The following KIFAP3 variants were observed in gnomAD, a reference collection of about 807,000 sequenced individuals.
KIFAP3 encodes the protein kinesin associated protein 3, also known as kinesin-associated protein 3.
A neutral mutation model predicts 106.5 loss-of-function variants in KIFAP3; 68 were observed. The ratio of observed to expected loss-of-function variants is 0.64; its 90% CI spans 0.53 to 0.78. The LOEUF is 0.78. Ranked by LOEUF, KIFAP3 falls within the 30% of genes least tolerant of loss-of-function variation. The probability of loss-of-function intolerance (pLI) is 0.00; values close to 1 mark genes in which losing one functional copy is unlikely to be tolerated. For missense variants in KIFAP3, 780 were observed against 941.8 expected, an observed-to-expected ratio of 0.83 and a Z score of 2.25; for synonymous variants, 320 against 311.5, an observed-to-expected ratio of 1.03 and a Z score of -0.29.
rs2102159003 is a variant in KIFAP3 at position 170,065,556 on chromosome 1, G to A, written c.32+8880C>T. Among the ~76,000 whole-genome samples the A allele has an allele frequency of 2.2e-5, 3 of 139,102 alleles. No individual in the cohort carries two copies. The South Asian group carries it at 6.9e-4, about 32-fold the overall frequency. 91.3% of individuals were successfully genotyped at this position (139,102 alleles called of 152,430 possible). ...GTGAACCCGGGAGGCGGAGCTTGCA[G>A]TGAGCCAAGATCATGCCACTGCCCT... On this transcript the variant is annotated intron_variant, in intron 1 of 19. Transcript: ENST00000361580.
chr1:169,993,104 TC>T (rs1434881351), intron 10 of KIFAP3, among the ~76,000 whole-genome samples: 2 of 143,616 alleles, frequency 1.4e-5, no homozygotes, highest in Non-Finnish European at 3.1e-5. Context: ...TTCTTTTCTG[TC>T]CTTTTTTTTT....
Position 170,008,269 on chromosome 1 carries a change from G to A in KIFAP3, c.1183+8193C>T, listed in dbSNP as rs140182016. 7.7e-3 allele frequency among the ~76,000 whole-genome samples: 1,168 copies of A among 151,616 alleles called. 46 individuals are homozygous for A. The highest frequency in any genetic ancestry group is 0.027 in the African/African-American group (1,119 of 41,178). On this transcript the variant is annotated intron_variant, in intron 10 of 19. Coordinates refer to ENST00000361580, the MANE Select transcript of KIFAP3 (RefSeq NM_014970.4). ...GCAACAAAAGCCAAAATTGACAAAC[G>A]GGATCTAATTAAACTAAAGAGCTTC... is the stretch of plus-strand genomic sequence containing the variant.
rs1665983789 is a variant in KIFAP3, at chr1:169,972,737, A to G, written c.1898-139T>C. 9.9e-6 allele frequency: 5 copies of G among 507,462 alleles called. No homozygotes were observed. In the South Asian group the frequency reaches 1.5e-4, roughly 15 times the overall value. The allele number at this position is 507,462 out of a possible 1,614,324, so 31.4% of individuals were successfully genotyped here. ...ATTTTAAAATAAAATCATTAATACAAGATGACCAAAAACACTTAATGTTTC... is the reference window on the plus strand; with the variant it reads ...ATTTTAAAATAAAATCATTAATACAGGATGACCAAAAACACTTAATGTTTC... On this transcript the variant is annotated intron_variant, in intron 16 of 19. Coordinates refer to ENST00000361580, the MANE Select transcript of KIFAP3 (RefSeq NM_014970.4).
chr1:169,993,906 C>T (rs1667244042), intron 10 of KIFAP3, among the ~76,000 whole-genome samples: 1 of 151,478 alleles, frequency 6.6e-6, no homozygotes, highest in Non-Finnish European at 1.5e-5. Flanking sequence ...GCAAAAAATA[C>T]AGTGATCTTC....
At chr1:169,987,735 G>T (rs189969356) in intron 11 of KIFAP3, among the ~76,000 whole-genome samples, 1 of 152,178 alleles carries the variant, frequency 6.6e-6, no homozygotes, top group African/African-American at 2.4e-5. Context: ...CTTGCACACT[G>T]TTCTAGGATA....
rs1385653931 is a variant in KIFAP3 at position 170,013,224 on chromosome 1, ATTCCC to A, written c.1183+3233_1183+3237del. On this transcript the variant is annotated intron_variant, in intron 10 of 19. Coordinates refer to ENST00000361580, the MANE Select transcript of KIFAP3 (RefSeq NM_014970.4). ...CTGTTGTTTATAAGTCACCCAGTCTATTCCCTTATAGAAACCTGAACGACCTAAGA... is the reference window on the plus strand; with the variant it reads ...CTGTTGTTTATAAGTCACCCAGTCTATTATAGAAACCTGAACGACCTAAGA... 3.3e-5 allele frequency among the ~76,000 whole-genome samples: 5 copies of A among 152,210 alleles called. No individual in the cohort carries two copies. The South Asian group carries it at 1.0e-3, about 32-fold the overall frequency.
intron 3 of KIFAP3, 129 bp from the exon 4 acceptor site, chr1:170,039,417 T>C (rs1669863554): frequency 7.1e-6 from 4 of 560,828 alleles, no homozygotes; most frequent in East Asian, 5.7e-5. Context: ...TATGAAATAA[T>C]CTCTTCTCAA....
intron 19 of KIFAP3, among the ~76,000 whole-genome samples, chr1:169,938,299 A>G (rs1352820791): frequency 1.3e-5 from 2 of 151,976 alleles, no homozygotes; most frequent in African/African-American, 4.8e-5. Flanking sequence ...TAGCTACTTA[A>G]GGTCTGTTTT....
At chr1:170,014,066 G>T (rs970114713) in intron 10 of KIFAP3, among the ~76,000 whole-genome samples, 4 of 151,916 alleles carry the variant, frequency 2.6e-5, no homozygotes, top group African/African-American at 9.7e-5. Context: ...CCTCATACTG[G>T]ACATACTACA....
intron 16 of KIFAP3, among the ~76,000 whole-genome samples, chr1:169,976,990 GC>G (rs201429223): frequency 0.011 from 1,747 of 152,184 alleles, 35 homozygotes; most frequent in African/African-American, 0.04. Context: ...TTCCCAAAGT[GC>G]TGGGATTACA....
intron 8 of KIFAP3, chr1:170,024,820 A>G: frequency 5.7e-6 from 2 of 348,864 alleles, no homozygotes; most frequent in Non-Finnish European, 1.0e-5. Context: ...ACACATATAA[A>G]ATAATTCATA....
intron 19 of KIFAP3, among the ~76,000 whole-genome samples, chr1:169,934,335 A>C (rs1663666308): frequency 6.6e-6 from 1 of 152,196 alleles, no homozygotes; most frequent in African/African-American, 2.4e-5. Context: ...AGGTTATTCA[A>C]TCAAAACCCT....
intron 5 of KIFAP3, among the ~76,000 whole-genome samples, chr1:170,037,995 G>GAT (rs1249673499): frequency 2.6e-5 from 4 of 152,002 alleles, no homozygotes; most frequent in African/African-American, 7.2e-5. Flanking sequence ...AATAAAACAT[G>GAT]ATATATATAT....
intron 19 of KIFAP3, among the ~76,000 whole-genome samples, chr1:169,936,268 C>A (rs755901373): frequency 1.3e-5 from 2 of 151,802 alleles, no homozygotes; most frequent in Non-Finnish European, 1.5e-5. Context: ...GTAAAACTTT[C>A]ACCCATGAGA....
chr1:170,069,587 G>GA (rs1671602155), intron 1 of KIFAP3, among the ~76,000 whole-genome samples: 1 of 151,970 alleles, frequency 6.6e-6, no homozygotes, highest in African/African-American at 2.4e-5. Context: ...AATCGATGCA[G>GA]AAAAAAGCAT....
chr1:170,037,108 G>A (rs949577478), intron 5 of KIFAP3, among the ~76,000 whole-genome samples: 1 of 152,078 alleles, frequency 6.6e-6, no homozygotes, highest in Non-Finnish European at 1.5e-5. Context: ...TGTGGTATTG[G>A]TATGTATATC....
chr1:169,946,166 C>T (rs566208958), intron 19 of KIFAP3, among the ~76,000 whole-genome samples: 1 of 152,258 alleles, frequency 6.6e-6, no homozygotes, highest in Non-Finnish European at 1.5e-5. Context: ...TTTTAAGAGG[C>T]ATTTACCCTT....
chr1:170,078,440 GTAGA>G (rs1671962972), upstream of KIFAP3, among the ~76,000 whole-genome samples: 1 of 152,184 alleles, frequency 6.6e-6, no homozygotes, highest in African/African-American at 2.4e-5. Context: ...CAACAGTTAA[GTAGA>G]TAAAGAGGAC....
At chr1:170,081,254 A>G (rs1672015831) in intron 1 of KIFAP3, among the ~76,000 whole-genome samples, 1 of 152,214 alleles carries the variant, frequency 6.6e-6, no homozygotes, top group African/African-American at 2.4e-5. Flanking sequence ...AAATGTCATA[A>G]AAGGAGATAC....
Sources: allele counts gnomAD v4.1 joint callset (sites outside exome capture counted in the v4.1 genomes callset), GRCh38; gene constraint gnomAD v4.1.1; transcripts MANE v1.5; gene names NCBI Gene and HGNC (gene_info 2026-07-23, HGNC 2026-07-21).